The following FAM200C variants were observed in gnomAD, a reference collection of about 807,000 sequenced individuals.
chr5:160,394,003 A>G, the FAM200C span: 1 of 1,613,518 alleles, frequency 6.2e-7, no homozygotes, highest in Non-Finnish European at 8.5e-7. Context: ...CTCGTAATTC[A>G]GCAAGATCAT....
chr5:160,394,204 A>G, the FAM200C span: 2 of 1,611,952 alleles, frequency 1.2e-6, no homozygotes, highest in South Asian at 2.2e-5. Context: ...TTTCTTCAAG[A>G]AAAGGAAAAT....
At chr5:160,393,390 G>T in the FAM200C span, 1 of 231,372 alleles carries the variant, frequency 4.3e-6, no homozygotes, top group Non-Finnish European at 8.3e-6. Context: ...TTTTCTCCTG[G>T]CTCAATTCCT....
the FAM200C span, chr5:160,394,173 CTTCA>C: frequency 3.1e-6 from 5 of 1,610,470 alleles, no homozygotes; most frequent in South Asian, 3.3e-5. Context: ...ATGAATATGC[CTTCA>C]TTATCTGAAA....
chr5:160,395,026 C>T, the FAM200C span: 1 of 1,613,800 alleles, frequency 6.2e-7, no homozygotes, highest in Non-Finnish European at 8.5e-7. Flanking sequence ...GTAAGATATC[C>T]TGGCTCATTT....
chr5:160,393,174 T>A, the FAM200C span: 1 of 152,406 alleles, frequency 6.6e-6, no homozygotes, highest in South Asian at 2.1e-4. Flanking sequence ...TTTATTAATA[T>A]GATATTCATA....
chr5:160,395,063 T>A, the FAM200C span: 2 of 1,613,940 alleles, frequency 1.2e-6, no homozygotes, highest in East Asian at 4.5e-5. Context: ...GATCACATCA[T>A]CTGATAAGGG....
the FAM200C span, among the ~76,000 whole-genome samples, chr5:160,398,169 G>C: frequency 2.0e-5 from 3 of 152,226 alleles, no homozygotes; most frequent in African/African-American, 7.2e-5. Context: ...TTGAACCCAG[G>C]GGGCAGAGGT....
At chr5:160,396,693 CT>C in the FAM200C span, among the ~76,000 whole-genome samples, 3 of 109,744 alleles carry the variant, frequency 2.7e-5, no homozygotes, top group Non-Finnish European at 5.3e-5. Flanking sequence ...GAGCAAGTCT[CT>C]GTGGAAAAAA....
the FAM200C span, chr5:160,395,283 G>C: frequency 6.8e-6 from 11 of 1,613,988 alleles, no homozygotes; most frequent in East Asian, 2.0e-4. Flanking sequence ...GATGGTGCTG[G>C]CATATGCTTC....
chr5:160,398,565 CA>C, the FAM200C span, among the ~76,000 whole-genome samples: 1 of 152,166 alleles, frequency 6.6e-6, no homozygotes, highest in Non-Finnish European at 1.5e-5. Context: ...GAAATCATTA[CA>C]AGATCTGTTA....
chr5:160,399,964 C>G, the FAM200C span: 1 of 152,268 alleles, frequency 6.6e-6, no homozygotes, highest in African/African-American at 2.4e-5. Context: ...TCGGGTCCAA[C>G]CCCCGGGCAG....
the FAM200C span, chr5:160,394,997 A>G: frequency 7.4e-6 from 12 of 1,613,768 alleles, no homozygotes; most frequent in African/African-American, 2.7e-5. Flanking sequence ...ACTGGCTTTG[A>G]TATCTTCTAG....
the FAM200C span, among the ~76,000 whole-genome samples, chr5:160,397,673 G>A: frequency 5.1e-4 from 77 of 152,296 alleles, 1 homozygote; most frequent in East Asian, 0.013. Flanking sequence ...AATAAGCTGA[G>A]CTGTTACAAG....
At chr5:160,397,096 T>C in the FAM200C span, among the ~76,000 whole-genome samples, 1 of 152,186 alleles carries the variant, frequency 6.6e-6, no homozygotes, top group Non-Finnish European at 1.5e-5. Flanking sequence ...CCTTTCAAAA[T>C]ATACACGTCC....
At chr5:160,396,886 C>G in the FAM200C span, among the ~76,000 whole-genome samples, 1 of 152,110 alleles carries the variant, frequency 6.6e-6, no homozygotes, top group Non-Finnish European at 1.5e-5. Context: ...TGCACATACA[C>G]AAAATAAGCA....
chr5:160,393,808 G>A, the FAM200C span: 68 of 1,602,980 alleles, frequency 4.2e-5, no homozygotes, highest in Non-Finnish European at 5.8e-5. Context: ...TCAGATTAAA[G>A]CAGCTTCTGG....
chr5:160,395,837 G>A, the FAM200C span, among the ~76,000 whole-genome samples: 1 of 152,266 alleles, frequency 6.6e-6, no homozygotes, highest in South Asian at 2.1e-4. Flanking sequence ...AATAATGTAT[G>A]TTACAAACAA....
At chr5:160,394,215 T>C in the FAM200C span, 9 of 1,611,602 alleles carry the variant, frequency 5.6e-6, no homozygotes, top group Middle Eastern at 1.7e-4. Context: ...AAAGGAAAAT[T>C]GGTAAAATTT....
chr5:160,395,487 A>G, the FAM200C span: 2 of 1,613,228 alleles, frequency 1.2e-6, no homozygotes, highest in Non-Finnish European at 1.7e-6. Context: ...CGTTTCTTCG[A>G]CATGGCACAC....
Sources: gnomAD v4.1 joint callset for allele counts (sites outside exome capture counted in the v4.1 genomes callset) on GRCh38, gnomAD v4.1.1 for gene constraint, MANE v1.5 for transcripts.